Variants in COL13A1 observed in about 807,000 individuals in gnomAD.
COL13A1 encodes collagen type XIII alpha 1 chain, also known as collagen alpha-1(XIII) chain.
A neutral mutation model predicts 130.9 loss-of-function variants in COL13A1; 89 were observed. The observed-to-expected ratio is 0.68, with a 90% CI of 0.57 to 0.81. The LOEUF (loss-of-function observed/expected upper bound fraction) is 0.81. Ranked by LOEUF, COL13A1 falls within the 30% of genes least tolerant of loss-of-function variation. COL13A1 has a pLI of 0.00. For missense variants in COL13A1, 879 were observed against 934.6 expected (o/e 0.94, Z 0.78); for synonymous variants, 402 against 341.6 (o/e 1.18, Z -1.95).
chr10:69,845,962 C>T (rs1852916736), intron 2 of COL13A1, among the ~76,000 whole-genome samples: 1 of 152,262 alleles, frequency 6.6e-6, no homozygotes, highest in African/African-American at 2.4e-5. Flanking sequence ...CAAGGGTTTC[C>T]TGGAGGCAGG....
At position 69,923,818 on chromosome 10, in the gene COL13A1, A is replaced by G. The variant is rs765479835; in HGVS notation, c.1247A>G (p.Asp416Gly). ...CTTCCCCAGGGAGAAGCAGGTGTCG[A>G]TGGCCAGGTTGGCCCCCCAGGGCAG... ...PPGPKGEAGV[D>G]GQVGPPGQPG... Residue 416 changes from aspartate to glycine, a missense_variant, in exon 24 of 41, where the codon GAT becomes GGT. By Grantham distance (94) the Asp-to-Gly change is moderately conservative. Transcript: ENST00000645393. The G allele has an allele frequency of 7.4e-6, 12 of 1,611,538 alleles. No homozygotes were observed. In the South Asian group the frequency reaches 1.0e-4, roughly 13 times the overall value.
At chr10:69,848,172 C>T (rs1853672928) in intron 2 of COL13A1, among the ~76,000 whole-genome samples, 1 of 152,162 alleles carries the variant, frequency 6.6e-6, no homozygotes, top group Non-Finnish European at 1.5e-5. Flanking sequence ...ATTGCAGAGG[C>T]TGCCAGGAAG....
intron 2 of COL13A1, among the ~76,000 whole-genome samples, chr10:69,835,117 A>T (rs1308348095): frequency 1.3e-5 from 2 of 152,132 alleles, no homozygotes; most frequent in Non-Finnish European, 2.9e-5. Flanking sequence ...TGCCCGCAGC[A>T]CACATGGGTG....
chr10:69,936,801 A>G lies in COL13A1; in HGVS notation c.1797+19A>G. Reference sequence around the variant, plus strand: ...ACCAAAGGTAAGGAGAAGTCACATGACAGGCGCTGTGTCAGTGCTAGTAGA... The same window carrying G: ...ACCAAAGGTAAGGAGAAGTCACATGGCAGGCGCTGTGTCAGTGCTAGTAGA... On this transcript the variant is annotated intron_variant, in intron 33 of 40. Coordinates refer to ENST00000645393, the MANE Select transcript of COL13A1 (RefSeq NM_001368882.1). 6.2e-7 allele frequency: 1 copy of G among 1,613,860 alleles called. No homozygotes were observed. Among genetic ancestry groups the G allele is most frequent in the Non-Finnish European group, 8.5e-7 (1 of 1,179,822 alleles).
At chr10:69,866,782 AAGG>A (rs2058561610) in intron 2 of COL13A1, among the ~76,000 whole-genome samples, 2 of 152,268 alleles carry the variant, frequency 1.3e-5, no homozygotes, top group East Asian at 3.9e-4. Flanking sequence ...CCGACAGATA[AAGG>A]AGGAGAGAAG....
intron 17 of COL13A1, among the ~76,000 whole-genome samples, chr10:69,909,612 C>T (rs1003554345): frequency 2.0e-5 from 3 of 152,196 alleles, no homozygotes; most frequent in Non-Finnish European, 4.4e-5. Flanking sequence ...AGGGCTGGCA[C>T]TGGGAACTAT....
At chr10:69,860,356 C>T (rs4746922) in intron 2 of COL13A1, among the ~76,000 whole-genome samples, 99,591 of 152,148 alleles carry the variant, frequency 0.65, 33,551 homozygotes, top group East Asian at 0.96. Flanking sequence ...GTGTTGAAAG[C>T]GGGCATGAGG....
intron 36 of COL13A1, among the ~76,000 whole-genome samples, chr10:69,945,444 C>G (rs953625264): frequency 1.3e-5 from 2 of 152,190 alleles, no homozygotes; most frequent in Admixed American, 6.5e-5. Flanking sequence ...TTCTGGGAGG[C>G]CTTGGGGGAT....
chr10:69,915,428 C>T (rs61432977), intron 17 of COL13A1, among the ~76,000 whole-genome samples: 196 of 152,340 alleles, frequency 1.3e-3, no homozygotes, highest in African/African-American at 4.6e-3. Context: ...AGGGCTCTGG[C>T]ATTGGGAACT....
At chr10:69,921,958 G>A (rs987466454) in intron 22 of COL13A1, 23 bp downstream of exon 22, 4 of 1,593,482 alleles carry the variant, frequency 2.5e-6, no homozygotes, top group African/African-American at 2.7e-5. Flanking sequence ...CTGAATGGAG[G>A]GTTCAAGTCC....
chr10:69,874,089 C>A (rs1174600900), intron 4 of COL13A1, among the ~76,000 whole-genome samples: 3 of 152,234 alleles, frequency 2.0e-5, no homozygotes, highest in Admixed American at 6.5e-5. Flanking sequence ...AGCTACCCTG[C>A]CATTCTTTAG....
In COL13A1 at chr10:69,875,160, T is replaced by C; in HGVS notation, c.432T>C (p.Arg144=). Residue 144 remains arginine, a synonymous_variant, in exon 5 of 41, where the codon CGT becomes CGC. Coordinates refer to ENST00000645393, the MANE Select transcript of COL13A1 (RefSeq NM_001368882.1). The part of the protein sequence containing the change: ...GDKGAIGMPG[R]VGVKGQPGEK... ...AAGGTGCCATTGGGATGCCTGGACG[T>C]GTGGTGAGTTGGCCCGTTTGTACCT... The C allele has an allele frequency of 6.2e-7, 1 of 1,613,980 alleles. No homozygotes were observed. Among genetic ancestry groups the C allele is most frequent in the Non-Finnish European group, 8.5e-7 (1 of 1,179,882 alleles).
chr10:69,889,448 C>T lies in COL13A1; in HGVS notation c.603+8C>T, dbSNP rs773814170. 6.2e-7 allele frequency: 1 copy of T among 1,611,088 alleles called. No individual in the cohort carries two copies. Among genetic ancestry groups the T allele is most frequent in the Non-Finnish European group, 8.5e-7 (1 of 1,178,868 alleles). On this transcript the variant is annotated splice_region_variant and intron_variant, in intron 10 of 40. Coordinates refer to ENST00000645393, the MANE Select transcript of COL13A1 (RefSeq NM_001368882.1). ...GGACCAAAGGGCGACATGGTAAGAG[C>T]CCAGCTTTCCTGCCTTCCCGAGATG...
chr10:69,917,340 C>G lies in COL13A1; in HGVS notation c.966+7C>G, dbSNP rs1230805979. 1.9e-6 allele frequency: 3 copies of G among 1,612,626 alleles called. No homozygotes were observed. Among genetic ancestry groups the G allele is most frequent in the Non-Finnish European group, 1.7e-6 (2 of 1,179,348 alleles). On this transcript the variant is annotated splice_region_variant and intron_variant, in intron 18 of 40. Coordinates refer to ENST00000645393, the MANE Select transcript of COL13A1 (RefSeq NM_001368882.1). ...AGGCAAGCATGGAGCCAAGGTACCT[C>G]CCCCTTCCCCACATCCCAGGCAGCC...
intron 2 of COL13A1, among the ~76,000 whole-genome samples, chr10:69,842,084 T>G (rs1015097043): frequency 1.3e-5 from 2 of 152,224 alleles, no homozygotes; most frequent in African/African-American, 4.8e-5. Flanking sequence ...AAATCTCATC[T>G]TGAATTGTAG....
chr10:69,945,521 C>G lies in COL13A1; in HGVS notation c.1969-150C>G, dbSNP rs77931793. 2.4e-3 allele frequency: 2,498 copies of G among 1,037,414 alleles called. 41 individuals are homozygous for G. The African/African-American group carries it at 0.037, about 15-fold the overall frequency. 64.3% of individuals were successfully genotyped at this position (1,037,414 alleles called of 1,614,324 possible). On this transcript the variant is annotated intron_variant, in intron 36 of 40. Transcript: ENST00000645393. Reference sequence around the variant, plus strand: ...CTCCCCAAGGCAGTGTTCGCATCAGCAGCACCCCACCTTTCCCATAGCCCT... The same window carrying G: ...CTCCCCAAGGCAGTGTTCGCATCAGGAGCACCCCACCTTTCCCATAGCCCT...
At chr10:69,940,858 G>A (rs773136844) in intron 34 of COL13A1, 130 bp from the exon 35 acceptor site, 9 of 1,270,514 alleles carry the variant, frequency 7.1e-6, no homozygotes, top group East Asian at 2.4e-5. Flanking sequence ...CTCCAGTTGT[G>A]TTTGATTACC....
Position 69,941,797 on chromosome 10 carries a change from C to T in COL13A1, c.1914+774C>T, listed in dbSNP as rs376488632. Reference sequence around the variant, plus strand: ...AGGAAAATTCCCTCCTGTCCACCTCCGGTCCCTCCCGTGAGCGCCCTCTGA... The same window carrying T: ...AGGAAAATTCCCTCCTGTCCACCTCTGGTCCCTCCCGTGAGCGCCCTCTGA... On this transcript the variant is annotated intron_variant, in intron 35 of 40. Transcript: ENST00000645393. 4.6e-5 allele frequency among the ~76,000 whole-genome samples: 7 copies of T among 152,194 alleles called. No individual in the cohort carries two copies. The East Asian group carries it at 5.8e-4, about 13-fold the overall frequency.
At chr10:69,904,656 G>A (rs751939854) in intron 15 of COL13A1, among the ~76,000 whole-genome samples, 13 of 152,198 alleles carry the variant, frequency 8.5e-5, no homozygotes, top group Non-Finnish European at 5.9e-5. Context: ...TTAGCATGAT[G>A]CTGCTGACCT....
Sources: gnomAD v4.1 joint callset for allele counts (sites outside exome capture counted in the v4.1 genomes callset) on GRCh38, gnomAD v4.1.1 for gene constraint, MANE v1.5 for transcripts, NCBI Gene and HGNC (gene_info 2026-07-23, HGNC 2026-07-21) for gene names.